Variants in MYO9B observed in about 807,000 individuals in gnomAD.
MYO9B encodes unconventional myosin-IXb.
MYO9B carries 71 observed loss-of-function variants against 229.5 expected under a neutral mutation model. That is an observed-to-expected ratio of 0.31 (90% CI 0.26 to 0.38). MYO9B has a LOEUF of 0.38. MYO9B is among the 10% of genes least tolerant of loss of function. MYO9B has a pLI of 1.00. For missense variants in MYO9B, 2,255 were observed against 2,920.5 expected, an observed-to-expected ratio of 0.77 and a Z score of 5.25; for synonymous variants, 1,185 against 1,235.8, an observed-to-expected ratio of 0.96 and a Z score of 0.86.
In MYO9B at chr19:17,110,001, C is replaced by T. The variant is rs367568729; in HGVS notation, c.840+7444C>T. ...CAAAGCCTAACCCGGGGTTTGAACC[C>T]GGCCTGAGCCCCAGCCCCCCGTTCA... On this transcript the variant is annotated intron_variant, in intron 2 of 39. Coordinates refer to ENST00000682292, the MANE Select transcript of MYO9B (RefSeq NM_004145.4). 4.6e-5 allele frequency among the ~76,000 whole-genome samples: 7 copies of T among 152,300 alleles called. No homozygotes were observed. The South Asian group carries it at 8.3e-4, about 18-fold the overall frequency.
At chr19:17,181,693 A>G (rs770336959) in intron 15 of MYO9B, among the ~76,000 whole-genome samples, 9 of 152,250 alleles carry the variant, frequency 5.9e-5, no homozygotes, top group Non-Finnish European at 1.0e-4. Context: ...GGGCTGGCTG[A>G]GAGCAAAGCT....
At chr19:17,091,662 A>G (rs905935084) in intron 1 of MYO9B, among the ~76,000 whole-genome samples, 4 of 152,184 alleles carry the variant, frequency 2.6e-5, no homozygotes, top group Non-Finnish European at 5.9e-5. Context: ...GGAGAGGACC[A>G]GGCCGATGAG....
chr19:17,152,258 GAAT>G (rs1329598465), intron 3 of MYO9B, among the ~76,000 whole-genome samples: 2 of 151,478 alleles, frequency 1.3e-5, no homozygotes, highest in Non-Finnish European at 2.9e-5. Flanking sequence ...AAAAGACAGT[GAAT>G]AACAAATATT....
At chr19:17,156,804 G>C in intron 6 of MYO9B, 105 bp from the exon 7 acceptor site, 7 of 1,356,860 alleles carry the variant, frequency 5.2e-6, no homozygotes, top group Admixed American at 4.6e-5. Context: ...CATGCGTTCC[G>C]ACCAGAATTT....
At chr19:17,089,514 C>A (rs1006477347) in intron 1 of MYO9B, among the ~76,000 whole-genome samples, 21 of 152,292 alleles carry the variant, frequency 1.4e-4, no homozygotes, top group African/African-American at 5.1e-4. Flanking sequence ...AATTCCGAAT[C>A]CTCCGCCAAA....
chr19:17,148,402 A>T (rs1233479323), intron 3 of MYO9B, among the ~76,000 whole-genome samples: 2 of 152,112 alleles, frequency 1.3e-5, no homozygotes, highest in East Asian at 3.9e-4. Flanking sequence ...AACAGGAATT[A>T]TTCTCTTATC....
chr19:17,183,892 G>A (rs750690884), intron 16 of MYO9B, 24 bp downstream of exon 16: 32 of 1,550,536 alleles, frequency 2.1e-5, no homozygotes, highest in African/African-American at 5.5e-5. Flanking sequence ...CACACCCCGC[G>A]CGACACGTTC....
chr19:17,096,487 CA>C (rs925748229), intron 1 of MYO9B, among the ~76,000 whole-genome samples: 65 of 141,942 alleles, frequency 4.6e-4, no homozygotes, highest in Non-Finnish European at 3.4e-4. Context: ...CCCCTCTCTG[CA>C]AAAAAAAAAA....
At chr19:17,130,517 G>A (rs1032044584) in intron 2 of MYO9B, among the ~76,000 whole-genome samples, 1 of 152,134 alleles carries the variant, frequency 6.6e-6, no homozygotes, top group East Asian at 1.9e-4. Flanking sequence ...CTACTCGGGA[G>A]GCTGAGGCAG....
chr19:17,168,207 C>A, intron 11 of MYO9B, 143 bp downstream of exon 11: 1 of 1,202,918 alleles, frequency 8.3e-7, no homozygotes, highest in Non-Finnish European at 1.1e-6. Context: ...CTCTGTCACC[C>A]AGGCTGGAGT....
At chr19:17,168,801 A>T (rs1027771630) in intron 11 of MYO9B, among the ~76,000 whole-genome samples, 2 of 152,016 alleles carry the variant, frequency 1.3e-5, no homozygotes, top group Admixed American at 6.6e-5. Flanking sequence ...AGGATTGGCG[A>T]GTTGTTACAA....
chr19:17,114,454 C>T (rs1486616871), intron 2 of MYO9B, among the ~76,000 whole-genome samples: 1 of 152,086 alleles, frequency 6.6e-6, no homozygotes, highest in Non-Finnish European at 1.5e-5. Context: ...GTCCTCGTGT[C>T]ACCGATGATG....
At chr19:17,199,657 G>A (rs1172139395) in intron 24 of MYO9B, among the ~76,000 whole-genome samples, 1 of 150,376 alleles carries the variant, frequency 6.6e-6, no homozygotes, top group African/African-American at 2.4e-5. Flanking sequence ...GGGAGTACAG[G>A]TGTGCACCAC....
At chr19:17,142,376 G>A (rs905148888) in intron 2 of MYO9B, among the ~76,000 whole-genome samples, 9 of 152,108 alleles carry the variant, frequency 5.9e-5, no homozygotes, top group African/African-American at 2.2e-4. Flanking sequence ...CTGGAACCAG[G>A]TAAAGGCGAT....
chr19:17,145,504 T>A lies in MYO9B; in HGVS notation c.935+13T>A. ...GCATCGTGAGAGGGTGAGGTGTCCC[T>A]GGGGTCCCCACTGGTGGGAGCTGGC... is the stretch of plus-strand genomic sequence containing the variant. On this transcript the variant is annotated intron_variant, in intron 3 of 39. Coordinates refer to ENST00000682292, the MANE Select transcript of MYO9B (RefSeq NM_004145.4). 1.2e-6 allele frequency: 2 copies of A among 1,611,202 alleles called. No individual in the cohort carries two copies. Among genetic ancestry groups the A allele is most frequent in the Non-Finnish European group, 1.7e-6 (2 of 1,177,434 alleles).
At chr19:17,085,084 T>G (rs1332558089) in intron 1 of MYO9B, among the ~76,000 whole-genome samples, 2 of 151,956 alleles carry the variant, frequency 1.3e-5, no homozygotes, top group African/African-American at 4.8e-5. Flanking sequence ...TCCCCTGCCT[T>G]TGTGGTGTGA....
chr19:17,195,581 G>A lies in MYO9B; in HGVS notation c.4046+108G>A. The stretch of plus-strand genomic sequence containing the variant: ...AACACATGTGTAATCATGCCCAGTG[G>A]GTGTGCGGGAGGCCTGAGGGAGGAG... On this transcript the variant is annotated intron_variant, in intron 22 of 39. Transcript: ENST00000682292. The surrounding 1 kb of genome is among the most constrained non-coding windows in gnomAD (Gnocchi z 4.5). The A allele has an allele frequency of 7.2e-7, 1 of 1,386,806 alleles. No individual in the cohort carries two copies. Among genetic ancestry groups the A allele is most frequent in the Non-Finnish European group, 9.7e-7 (1 of 1,026,580 alleles). 85.9% of individuals were successfully genotyped at this position (1,386,806 alleles called of 1,614,324 possible).
intron 2 of MYO9B, among the ~76,000 whole-genome samples, chr19:17,125,137 CA>C (rs1439952661): frequency 6.6e-6 from 1 of 151,768 alleles, no homozygotes; most frequent in African/African-American, 2.4e-5. Flanking sequence ...CCATCTCTAC[CA>C]AAAATACAAA....
In MYO9B at chr19:17,203,312, C is replaced by A; in HGVS notation, c.4990+54C>A. The A allele has an allele frequency of 2.9e-6, 4 of 1,393,160 alleles. No individual in the cohort carries two copies. The South Asian group carries it at 5.2e-5, about 18-fold the overall frequency. The allele number at this position is 1,393,160 out of a possible 1,614,324, so 86.3% of individuals were successfully genotyped here. A position where few individuals can be genotyped will look rare whatever the true frequency, so the allele number is the denominator to read the frequency against. On this transcript the variant is annotated intron_variant, in intron 30 of 39. Coordinates refer to ENST00000682292, the MANE Select transcript of MYO9B (RefSeq NM_004145.4). ...ACCCTCCATGTCCCCCACCACCCCT[C>A]ACTGCTCAAGAGGTCTTCAGGGCCA...
Sources: allele counts gnomAD v4.1 joint callset (sites outside exome capture counted in the v4.1 genomes callset), GRCh38; gene constraint gnomAD v4.1.1; non-coding constraint Gnocchi (gnomAD v3.1); transcripts MANE v1.5; gene names NCBI Gene and HGNC (gene_info 2026-07-23, HGNC 2026-07-21).